Variants in SORCS1 observed in about 807,000 individuals in gnomAD.
SORCS1 encodes sortilin related VPS10 domain containing receptor 1.
A neutral mutation model predicts 146.1 loss-of-function variants in SORCS1; 60 were observed. That is an observed-to-expected ratio of 0.41 (90% CI 0.33 to 0.51). The LOEUF (loss-of-function observed/expected upper bound fraction) is 0.51. SORCS1 is among the 20% of genes least tolerant of loss of function. The probability of loss-of-function intolerance (pLI) is 0.21; values close to 1 mark genes in which losing one functional copy is unlikely to be tolerated. For missense variants in SORCS1, 1,352 were observed against 1,487.6 expected (o/e 0.91, Z 1.50); for synonymous variants, 637 against 584.0 (o/e 1.09, Z -1.31).
intron 17 of SORCS1, among the ~76,000 whole-genome samples, chr10:106,657,945 T>G (rs1346430890): frequency 1.3e-5 from 2 of 152,042 alleles, no homozygotes. Flanking sequence ...TTTAGAACGT[T>G]AATAAATATT....
intron 1 of SORCS1, among the ~76,000 whole-genome samples, chr10:107,026,574 C>T (rs112360370): frequency 1.3e-4 from 19 of 150,968 alleles, no homozygotes; most frequent in African/African-American, 4.4e-4. Flanking sequence ...GCCGAGATTG[C>T]GCCACCACAC....
intron 1 of SORCS1, among the ~76,000 whole-genome samples, chr10:107,117,665 C>T (rs1259125301): frequency 6.6e-6 from 1 of 152,186 alleles, no homozygotes; most frequent in Admixed American, 6.5e-5. Flanking sequence ...CTCAAGATCT[C>T]ATGAAGTTTG....
intron 17 of SORCS1, among the ~76,000 whole-genome samples, chr10:106,653,535 T>C (rs1036541348): frequency 2.6e-5 from 4 of 152,204 alleles, no homozygotes; most frequent in Non-Finnish European, 4.4e-5. Context: ...TACTTATCTC[T>C]GCACTTACTG....
At chr10:106,912,369 T>C (rs565707679) in intron 2 of SORCS1, among the ~76,000 whole-genome samples, 1 of 152,182 alleles carries the variant, frequency 6.6e-6, no homozygotes, top group Non-Finnish European at 1.5e-5. Context: ...CGCTTTTTTT[T>C]ACGAGATGAT....
At chr10:106,930,282 T>TA (rs1209772580) in intron 2 of SORCS1, among the ~76,000 whole-genome samples, 346 of 135,446 alleles carry the variant, frequency 2.6e-3, no homozygotes, top group Admixed American at 3.9e-3. Flanking sequence ...ACTCTGTCTC[T>TA]AAAAAAAAAA....
chr10:107,058,672 A>T (rs1281851737), intron 1 of SORCS1, among the ~76,000 whole-genome samples: 1 of 152,194 alleles, frequency 6.6e-6, no homozygotes, highest in African/African-American at 2.4e-5. Context: ...GTAAAATGGG[A>T]CAATAATACT....
chr10:107,118,619 T>C (rs768583791), intron 1 of SORCS1, among the ~76,000 whole-genome samples: 1 of 152,198 alleles, frequency 6.6e-6, no homozygotes, highest in Non-Finnish European at 1.5e-5. Flanking sequence ...AACAGACCGA[T>C]GGGTGACTAT....
intron 2 of SORCS1, among the ~76,000 whole-genome samples, chr10:106,865,510 G>A (rs1174923821): frequency 6.6e-6 from 1 of 152,090 alleles, no homozygotes; most frequent in Non-Finnish European, 1.5e-5. Flanking sequence ...GATTGCCTGA[G>A]CTCAGGAGTT....
rs114480436 is a variant in SORCS1 at position 106,781,744 on chromosome 10, T to C, written c.727-5052A>G. Among the ~76,000 whole-genome samples the C allele has an allele frequency of 8.0e-3, 1,220 of 152,274 alleles. 17 individuals carry two copies. Among genetic ancestry groups the C allele is most frequent in the African/African-American group, 0.027 (1,123 of 41,564 alleles). ...TCAATGAGGGCTGAGTACTTATCCT[T>C]CCCAGATGAGCTGAGGGAAAGAGCA... On this transcript the variant is annotated intron_variant, in intron 3 of 25. Coordinates refer to ENST00000263054, the MANE Select transcript of SORCS1 (RefSeq NM_052918.5).
intron 1 of SORCS1, among the ~76,000 whole-genome samples, chr10:107,056,404 T>C (rs1392134996): frequency 6.6e-6 from 1 of 152,206 alleles, no homozygotes; most frequent in Non-Finnish European, 1.5e-5. Flanking sequence ...GAGCCATCCA[T>C]GTGCAAGACA....
At chr10:106,617,283 T>C (rs528258997) in intron 21 of SORCS1, among the ~76,000 whole-genome samples, 142 of 151,938 alleles carry the variant, frequency 9.3e-4, no homozygotes, top group Admixed American at 1.6e-3. Flanking sequence ...CCTCCTTCCT[T>C]CCTCCCTCCT....
intron 23 of SORCS1, among the ~76,000 whole-genome samples, chr10:106,600,907 A>G (rs909879067): frequency 6.6e-6 from 1 of 152,214 alleles, no homozygotes; most frequent in African/African-American, 2.4e-5. Context: ...TAAGATGAGA[A>G]AATACAGCAC....
chr10:107,134,409 C>T (rs555669552), intron 1 of SORCS1, among the ~76,000 whole-genome samples: 117 of 152,214 alleles, frequency 7.7e-4, no homozygotes, highest in African/African-American at 2.5e-3. Context: ...GAGGCCAAGG[C>T]GGATGGATCA....
At chr10:106,607,366 G>C (rs1295886423) in intron 22 of SORCS1, 69 bp from the exon 23 acceptor site, 16 of 1,586,304 alleles carry the variant, frequency 1.0e-5, no homozygotes, top group Non-Finnish European at 1.4e-5. Context: ...CCAAGTATTT[G>C]GTGGGGGGAT....
At chr10:106,695,023 A>G (rs1853588084) in intron 9 of SORCS1, among the ~76,000 whole-genome samples, 1 of 152,152 alleles carries the variant, frequency 6.6e-6, no homozygotes, top group Non-Finnish European at 1.5e-5. Flanking sequence ...CTCTTCTCAC[A>G]GACACTCAGC....
intron 18 of SORCS1, among the ~76,000 whole-genome samples, chr10:106,651,184 A>G (rs138330933): frequency 3.9e-5 from 6 of 152,290 alleles, no homozygotes; most frequent in South Asian, 2.1e-4. Context: ...ACATCGTTTG[A>G]GCTAGATTTC....
chr10:107,013,858 G>A (rs981849484), intron 1 of SORCS1, among the ~76,000 whole-genome samples: 1 of 152,102 alleles, frequency 6.6e-6, no homozygotes, highest in Non-Finnish European at 1.5e-5. Flanking sequence ...GTAAAAATGA[G>A]TCACCCAAGT....
chr10:107,065,510 C>CTCCTCTCCTCTCTTTCTTTCTT (rs71025577), intron 1 of SORCS1, among the ~76,000 whole-genome samples: 2 of 86,360 alleles, frequency 2.3e-5, no homozygotes, highest in African/African-American at 1.0e-4. Flanking sequence ...CTCCTCTCCT[C>CTCCTCTCCTCTCTTTCTTTCTT]TCTTTCTTTC....
chr10:107,141,648 T>C (rs1487185549), intron 1 of SORCS1, among the ~76,000 whole-genome samples: 1 of 152,154 alleles, frequency 6.6e-6, no homozygotes, highest in African/African-American at 2.4e-5. Context: ...GGCAGAGGAA[T>C]CCCTTGGGTT....
Sources: allele counts gnomAD v4.1 joint callset (sites outside exome capture counted in the v4.1 genomes callset), GRCh38; gene constraint gnomAD v4.1.1; transcripts MANE v1.5; gene names NCBI Gene and HGNC (gene_info 2026-07-23, HGNC 2026-07-21).